The following GPC5 variants were observed in gnomAD, a reference collection of about 807,000 sequenced individuals.
GPC5 encodes the protein glypican-5.
A neutral mutation model predicts 53.9 loss-of-function variants in GPC5; 47 were observed. The ratio of observed to expected loss-of-function variants is 0.87; its 90% CI spans 0.69 to 1.11. The LOEUF (loss-of-function observed/expected upper bound fraction) is 1.11. Ranked by LOEUF, GPC5 falls within the 50% of genes most tolerant of loss-of-function variation. The pLI, the probability that GPC5 is intolerant of heterozygous loss-of-function variation, is 0.00. For synonymous variants in GPC5, 286 were observed against 263.3 expected, an observed-to-expected ratio of 1.09 and a Z score of -0.84; for missense variants, 748 against 713.1, an observed-to-expected ratio of 1.05 and a Z score of -0.56.
intron 7 of GPC5, among the ~76,000 whole-genome samples, chr13:92,615,881 G>C (rs1311036090): frequency 2.6e-5 from 4 of 151,974 alleles, no homozygotes; most frequent in African/African-American, 9.7e-5. Flanking sequence ...GTGAAACCCC[G>C]TCTCTACTAA....
chr13:91,409,328 A>G (rs1192613404), intron 1 of GPC5, among the ~76,000 whole-genome samples: 1 of 152,208 alleles, frequency 6.6e-6, no homozygotes, highest in African/African-American at 2.4e-5. Context: ...TAAGAAAAAC[A>G]TGGCAAAACT....
In GPC5 at chr13:92,565,406, C is replaced by T. The variant is rs143284112; in HGVS notation, c.1562-300876C>T. On this transcript the variant is annotated intron_variant, in intron 7 of 7. Transcript: ENST00000377067. ...ACTGAATCTAAGTGATTAAGATCTCCGTCCAGAGTCATGCAAATAAAAACC... is the reference window on the plus strand; with the variant it reads ...ACTGAATCTAAGTGATTAAGATCTCTGTCCAGAGTCATGCAAATAAAAACC... 4.2e-3 allele frequency among the ~76,000 whole-genome samples: 645 copies of T among 152,040 alleles called. 7 individuals carry two copies. Among genetic ancestry groups the T allele is most frequent in the African/African-American group, 0.014 (584 of 41,490 alleles).
chr13:92,302,179 A>G (rs1451911696), intron 7 of GPC5, among the ~76,000 whole-genome samples: 1 of 152,138 alleles, frequency 6.6e-6, no homozygotes, highest in African/African-American at 2.4e-5. Context: ...TGCAAGTGCA[A>G]TGTTGATTCT....
intron 6 of GPC5, among the ~76,000 whole-genome samples, chr13:92,025,029 T>C (rs989734552): frequency 1.3e-5 from 2 of 152,180 alleles, no homozygotes; most frequent in African/African-American, 2.4e-5. Context: ...AAACCTTCAG[T>C]GGCAAAAGTA....
intron 7 of GPC5, among the ~76,000 whole-genome samples, chr13:92,221,881 A>G (rs1237426332): frequency 6.6e-6 from 1 of 152,160 alleles, no homozygotes; most frequent in African/African-American, 2.4e-5. Flanking sequence ...AAATGACAAT[A>G]TACATTTAAA....
chr13:91,536,095 C>G (rs902382573), intron 2 of GPC5, among the ~76,000 whole-genome samples: 1 of 151,950 alleles, frequency 6.6e-6, no homozygotes, highest in African/African-American at 2.4e-5. Context: ...ATATCTTCAC[C>G]TTTTTATACT....
intron 2 of GPC5, among the ~76,000 whole-genome samples, chr13:91,671,500 A>C (rs1324161747): frequency 1.3e-5 from 2 of 152,040 alleles, no homozygotes; most frequent in African/African-American, 4.8e-5. Context: ...TTTTCTAAAT[A>C]CCTAGGAATA....
chr13:92,458,690 G>T (rs1878369560), intron 7 of GPC5, among the ~76,000 whole-genome samples: 3 of 152,106 alleles, frequency 2.0e-5, no homozygotes, highest in South Asian at 4.1e-4. Context: ...AGAAGACAAA[G>T]AATAGGGAAA....
intron 6 of GPC5, among the ~76,000 whole-genome samples, chr13:92,010,960 G>A (rs2138774043): frequency 6.6e-6 from 1 of 152,264 alleles, no homozygotes; most frequent in East Asian, 1.9e-4. Context: ...GAGCAAATAT[G>A]CCAAAATGTT....
intron 2 of GPC5, among the ~76,000 whole-genome samples, chr13:91,502,983 T>A (rs1433290057): frequency 6.6e-6 from 1 of 152,170 alleles, no homozygotes; most frequent in Non-Finnish European, 1.5e-5. Context: ...TCAGCAAGAA[T>A]GATTTAAAGT....
chr13:92,284,530 A>G (rs1455721799), intron 7 of GPC5, among the ~76,000 whole-genome samples: 2 of 152,166 alleles, frequency 1.3e-5, no homozygotes, highest in African/African-American at 4.8e-5. Flanking sequence ...GCACGTCAAA[A>G]AGCTTATCCA....
intron 7 of GPC5, among the ~76,000 whole-genome samples, chr13:92,160,972 A>G (rs1308949642): frequency 6.6e-6 from 1 of 152,120 alleles, no homozygotes; most frequent in Non-Finnish European, 1.5e-5. Context: ...TTAATCTTGT[A>G]AAGTATGGTT....
rs144832842 is a variant in GPC5 at position 92,858,174 on chromosome 13, C to T, written c.1562-8108C>T. Among the ~76,000 whole-genome samples, 419 of 152,224 alleles carry T rather than the reference C, an allele frequency of 2.8e-3. 3 individuals are homozygous for T. The highest frequency in any genetic ancestry group is 9.6e-3 in the African/African-American group (400 of 41,536). ...TCATCTTGTAGTTCCCATAATTCCC[C>T]TGTGTCATGGGAGGGACCTGGTTGG... On this transcript the variant is annotated intron_variant, in intron 7 of 7. Transcript: ENST00000377067.
chr13:92,013,812 T>A (rs912995223), intron 6 of GPC5, among the ~76,000 whole-genome samples: 1 of 152,102 alleles, frequency 6.6e-6, no homozygotes, highest in Non-Finnish European at 1.5e-5. Flanking sequence ...ACATGAAAAA[T>A]TTTTATTATA....
chr13:91,925,070 C>T (rs1398550651), intron 6 of GPC5, among the ~76,000 whole-genome samples: 2 of 152,074 alleles, frequency 1.3e-5, no homozygotes, highest in African/African-American at 4.8e-5. Context: ...CCGCCCGCCT[C>T]GGCCTCCCAA....
chr13:92,453,585 A>G (rs1878149760), intron 7 of GPC5, among the ~76,000 whole-genome samples: 3 of 152,252 alleles, frequency 2.0e-5, no homozygotes, highest in Admixed American at 2.0e-4. Context: ...GTTTCTAACT[A>G]AAGGCATTGC....
chr13:92,122,147 C>A (rs1331527384), intron 6 of GPC5, among the ~76,000 whole-genome samples: 1 of 152,172 alleles, frequency 6.6e-6, no homozygotes, highest in African/African-American at 2.4e-5. Context: ...TTACTTTGCC[C>A]AGGAATCTTA....
intron 7 of GPC5, among the ~76,000 whole-genome samples, chr13:92,385,519 C>CATATGCAT (rs1555331947): frequency 5.0e-4 from 37 of 74,180 alleles, no homozygotes; most frequent in African/African-American, 2.9e-3. Context: ...TATATACATA[C>CATATGCAT]ATATGCATAT....
intron 7 of GPC5, among the ~76,000 whole-genome samples, chr13:92,567,214 A>G (rs1217184167): frequency 6.6e-6 from 1 of 152,164 alleles, no homozygotes; most frequent in African/African-American, 2.4e-5. Context: ...TTGATGATAC[A>G]TAAAATACTT....
Sources: gnomAD v4.1 joint callset for allele counts (sites outside exome capture counted in the v4.1 genomes callset) on GRCh38, gnomAD v4.1.1 for gene constraint, MANE v1.5 for transcripts, NCBI Gene and HGNC (gene_info 2026-07-23, HGNC 2026-07-21) for gene names.